Variants in STAG1 observed in about 807,000 individuals in gnomAD.
STAG1 encodes STAG1 cohesin complex component, also known as cohesin subunit SA-1.
A neutral mutation model predicts 170.9 loss-of-function variants in STAG1; 26 were observed. The ratio of observed to expected loss-of-function variants is 0.15; its 90% confidence interval spans 0.11 to 0.21. The LOEUF (loss-of-function observed/expected upper bound fraction) is 0.21. STAG1 is among the 10% of genes least tolerant of loss of function. STAG1 has a pLI of 1.00. For synonymous variants in STAG1, 514 were observed against 497.7 expected, an observed-to-expected ratio of 1.03 and a Z score of -0.44; for missense variants, 964 against 1,509.5, an observed-to-expected ratio of 0.64 and a Z score of 5.99.
chr3:136,627,425 A>G (rs1940155740), intron 2 of STAG1, among the ~76,000 whole-genome samples: 1 of 152,128 alleles, frequency 6.6e-6, no homozygotes, highest in African/African-American at 2.4e-5. Flanking sequence ...CAAAATATAA[A>G]TATCAATATT....
chr3:136,630,429 G>A (rs1456638138), intron 2 of STAG1, among the ~76,000 whole-genome samples: 1 of 152,100 alleles, frequency 6.6e-6, no homozygotes. Flanking sequence ...TATAAGATAG[G>A]TGACACCAAA....
At position 136,556,757 on chromosome 3, in the gene STAG1, AT is replaced by A. The variant is rs562318501; in HGVS notation, c.394+12007del. On this transcript the variant is annotated intron_variant, in intron 5 of 33. Coordinates refer to ENST00000383202, the MANE Select transcript of STAG1 (RefSeq NM_005862.3). The stretch of plus-strand genomic sequence containing the variant: ...ACCACCACGCCCCACTAATTCCTGC[AT>A]TTTTTGTAGAGGCAGGGTTTTACCA... Among the ~76,000 whole-genome samples, 397 of 151,940 alleles carry A rather than the reference AT, an allele frequency of 2.6e-3. 2 individuals are homozygous for A. Among genetic ancestry groups the A allele is most frequent in the African/African-American group, 9.3e-3 (385 of 41,440 alleles).
chr3:136,587,558 A>G (rs1475944538), intron 4 of STAG1, among the ~76,000 whole-genome samples: 1 of 151,842 alleles, frequency 6.6e-6, no homozygotes, highest in African/African-American at 2.4e-5. Flanking sequence ...AAAAAAAAAA[A>G]AAAGCAATTT....
At chr3:136,621,651 T>C (rs887689203) in intron 3 of STAG1, among the ~76,000 whole-genome samples, 1 of 152,170 alleles carries the variant, frequency 6.6e-6, no homozygotes, top group Non-Finnish European at 1.5e-5. Flanking sequence ...TAAAAGCAAG[T>C]GTATAGCAAA....
intron 1 of STAG1, among the ~76,000 whole-genome samples, chr3:136,713,674 G>C (rs992342270): frequency 2.0e-5 from 3 of 151,746 alleles, no homozygotes; most frequent in Non-Finnish European, 2.9e-5. Context: ...AATCACTTGA[G>C]GCCAGGAGTT....
At chr3:136,451,191 A>G (rs2088930928) in intron 14 of STAG1, among the ~76,000 whole-genome samples, 1 of 151,702 alleles carries the variant, frequency 6.6e-6, no homozygotes, top group Non-Finnish European at 1.5e-5. Context: ...AACCCACACC[A>G]TTTTGGTGGA....
intron 4 of STAG1, among the ~76,000 whole-genome samples, chr3:136,584,050 C>T (rs956776176): frequency 4.9e-4 from 75 of 152,240 alleles, no homozygotes; most frequent in Non-Finnish European, 3.2e-4. Context: ...AATTTTAAAG[C>T]CAATTTATTC....
chr3:136,681,628 T>A (rs983156206), intron 1 of STAG1, among the ~76,000 whole-genome samples: 1 of 152,216 alleles, frequency 6.6e-6, no homozygotes, highest in African/African-American at 2.4e-5. Context: ...ATTTTTCAAA[T>A]GTTTCAAGAT....
chr3:136,614,392 T>G (rs1319222650), intron 3 of STAG1, among the ~76,000 whole-genome samples: 2 of 151,716 alleles, frequency 1.3e-5, no homozygotes, highest in African/African-American at 4.8e-5. Context: ...GAAATTAGAG[T>G]TCATTACTGC....
chr3:136,551,384 C>G (rs1936393939), intron 5 of STAG1, among the ~76,000 whole-genome samples: 1 of 148,444 alleles, frequency 6.7e-6, no homozygotes, highest in Non-Finnish European at 1.5e-5. Flanking sequence ...CACCTCCCAC[C>G]TCTGCAAGCT....
intron 21 of STAG1, among the ~76,000 whole-genome samples, chr3:136,411,026 G>C (rs1021111264): frequency 6.6e-6 from 1 of 152,236 alleles, no homozygotes; most frequent in African/African-American, 2.4e-5. Context: ...CTGCACTCCA[G>C]CTTGGGCAGA....
chr3:136,476,112 C>T (rs2089743185), intron 10 of STAG1, among the ~76,000 whole-genome samples: 1 of 152,150 alleles, frequency 6.6e-6, no homozygotes, highest in South Asian at 2.1e-4. Context: ...TGGCTCATGC[C>T]CACTTGTTAG....
chr3:136,366,422 C>T (rs927809981), intron 25 of STAG1, among the ~76,000 whole-genome samples: 7 of 152,102 alleles, frequency 4.6e-5, no homozygotes, highest in Non-Finnish European at 1.0e-4. Flanking sequence ...TCATGTCTTA[C>T]TTAAACCTCT....
In STAG1 at chr3:136,336,713, C is replaced by G. The variant is rs1935692633; in HGVS notation, c.*1541G>C. ...TTTGGTGACCAGGTTTTTTTCAGAACTGTACAAATGTTGAGAAAAATGTTT... is the reference window on the plus strand; with the variant it reads ...TTTGGTGACCAGGTTTTTTTCAGAAGTGTACAAATGTTGAGAAAAATGTTT... On this transcript the variant is annotated 3_prime_UTR_variant, in exon 34 of 34. Transcript: ENST00000383202. 1 of 152,188 alleles carries G rather than the reference C, an allele frequency of 6.6e-6. No homozygotes were observed. The highest frequency in any genetic ancestry group is 1.5e-5 in the Non-Finnish European group (1 of 68,038). 9.4% of individuals were successfully genotyped at this position (152,188 alleles called of 1,614,324 possible).
At chr3:136,609,592 A>T (rs773995679) in intron 3 of STAG1, 1 of 153,044 alleles carries the variant, frequency 6.5e-6, no homozygotes, top group Non-Finnish European at 1.5e-5. Flanking sequence ...GGAGAAAAAG[A>T]AGCCAAGTCT....
chr3:136,699,362 T>C (rs1236514254), intron 1 of STAG1, among the ~76,000 whole-genome samples: 2 of 152,170 alleles, frequency 1.3e-5, no homozygotes, highest in Non-Finnish European at 2.9e-5. Flanking sequence ...ATATTATTAC[T>C]ATCTCTAGAA....
chr3:136,587,959 A>G (rs567342941), intron 4 of STAG1, among the ~76,000 whole-genome samples: 6 of 152,324 alleles, frequency 3.9e-5, no homozygotes, highest in African/African-American at 1.4e-4. Context: ...GCAAAAGTTT[A>G]TCTCAAAAAA....
At chr3:136,518,334 C>G in intron 7 of STAG1, 1 of 691,914 alleles carries the variant, frequency 1.4e-6, no homozygotes, top group Non-Finnish European at 2.6e-6. Context: ...GCCATAACTG[C>G]CTTGTAACTG....
intron 7 of STAG1, among the ~76,000 whole-genome samples, chr3:136,508,321 T>C (rs1027262235): frequency 2.6e-5 from 4 of 152,180 alleles, no homozygotes; most frequent in Admixed American, 2.0e-4. Context: ...TGAGTGGGTC[T>C]CATGCAATCA....
Sources: allele counts gnomAD v4.1 joint callset (sites outside exome capture counted in the v4.1 genomes callset), GRCh38; gene constraint gnomAD v4.1.1; transcripts MANE v1.5; gene names NCBI Gene and HGNC (gene_info 2026-07-23, HGNC 2026-07-21).